SLC38A1: variants seen among roughly 807,000 people sequenced by gnomAD.
The protein encoded by SLC38A1 is solute carrier family 38 member 1.
A neutral mutation model predicts 60.3 loss-of-function variants in SLC38A1; 18 were observed. That is an observed-to-expected ratio of 0.30 (90% CI 0.21 to 0.44). The LOEUF (loss-of-function observed/expected upper bound fraction) is 0.44, where lower values mean the gene tolerates loss of function less well. Among genes scored for constraint, SLC38A1 ranks in the 20% least tolerant of loss-of-function variants. SLC38A1 has a pLI of 1.00. For synonymous variants in SLC38A1, 196 were observed against 212.1 expected, an observed-to-expected ratio of 0.92 and a Z score of 0.66; for missense variants, 448 against 587.2, an observed-to-expected ratio of 0.76 and a Z score of 2.45.
intron 3 of SLC38A1, among the ~76,000 whole-genome samples, chr12:46,233,021 T>C (rs752242463): frequency 7.2e-5 from 11 of 152,122 alleles, no homozygotes; most frequent in Non-Finnish European, 1.5e-4. Flanking sequence ...ATTTTATTAT[T>C]ATTATTATTA....
intron 3 of SLC38A1, among the ~76,000 whole-genome samples, chr12:46,231,764 C>T (rs777606962): frequency 2.6e-5 from 4 of 152,118 alleles, no homozygotes; most frequent in Non-Finnish European, 5.9e-5. Flanking sequence ...CTCAGCCTCC[C>T]AAGTAGCTGG....
chr12:46,200,386 CACACACATATATATACACATATATATAG>C (rs566299784), intron 13 of SLC38A1, among the ~76,000 whole-genome samples: 38 of 151,050 alleles, frequency 2.5e-4, no homozygotes, highest in Non-Finnish European at 4.7e-4. Context: ...TATATATATA[CACACACATATATATACACATATATATAG>C]ACACACATAT....
chr12:46,231,057 T>C (rs1941056745), intron 3 of SLC38A1, among the ~76,000 whole-genome samples: 2 of 152,280 alleles, frequency 1.3e-5, no homozygotes, highest in South Asian at 4.2e-4. Context: ...TAAGTGTCCA[T>C]CAACAGATGA....
At chr12:46,262,303 C>A (rs1942221773) in intron 1 of SLC38A1, among the ~76,000 whole-genome samples, 1 of 151,542 alleles carries the variant, frequency 6.6e-6, no homozygotes. Context: ...TTATTCAAGA[C>A]AGAAAAAATA....
rs141797195 is a variant in SLC38A1 at position 46,253,095 on chromosome 12, T to G, written c.-208-9781A>C. On this transcript the variant is annotated intron_variant, in intron 1 of 16. Transcript: ENST00000398637. Reference sequence around the variant, plus strand: ...ATGTGGAGATGTAGGTCAAAGGATATGAAGTTGCAGATGTGTAGGATGAAT... The same window carrying G: ...ATGTGGAGATGTAGGTCAAAGGATAGGAAGTTGCAGATGTGTAGGATGAAT... 1.0e-3 allele frequency among the ~76,000 whole-genome samples: 158 copies of G among 151,510 alleles called. 1 individual carries two copies. Among genetic ancestry groups the G allele is most frequent in the African/African-American group, 3.7e-3 (153 of 41,234 alleles).
At chr12:46,203,385 G>A (rs1939749929) in intron 11 of SLC38A1, among the ~76,000 whole-genome samples, 1 of 152,096 alleles carries the variant, frequency 6.6e-6, no homozygotes, top group African/African-American at 2.4e-5. Flanking sequence ...CAGTTACATG[G>A]CACTCTTCCT....
chr12:46,245,932 T>C (rs1279869640), intron 1 of SLC38A1, among the ~76,000 whole-genome samples: 2 of 152,204 alleles, frequency 1.3e-5, no homozygotes, highest in East Asian at 3.8e-4. Context: ...TGATTTTAGA[T>C]TGTTTTTAGC....
At chr12:46,189,804 C>T (rs574336173) in intron 16 of SLC38A1, among the ~76,000 whole-genome samples, 13 of 152,256 alleles carry the variant, frequency 8.5e-5, no homozygotes, top group African/African-American at 2.6e-4. Context: ...CCTGCACATG[C>T]GCTCTGCCTG....
At chr12:46,216,579 G>A (rs192755229) in intron 5 of SLC38A1, among the ~76,000 whole-genome samples, 310 of 152,266 alleles carry the variant, frequency 2.0e-3, no homozygotes, top group African/African-American at 6.3e-3. Context: ...GGCCAGGCGC[G>A]GTGGCTCACA....
At chr12:46,224,648 C>A (rs1047230041) in intron 5 of SLC38A1, among the ~76,000 whole-genome samples, 2 of 152,126 alleles carry the variant, frequency 1.3e-5, no homozygotes, top group African/African-American at 4.8e-5. Flanking sequence ...CTTGATCCTG[C>A]CAACTGCTTC....
chr12:46,228,593 T>A (rs1347747602), intron 5 of SLC38A1, among the ~76,000 whole-genome samples: 3 of 152,180 alleles, frequency 2.0e-5, no homozygotes, highest in African/African-American at 2.4e-5. Context: ...CTCCATACAT[T>A]TGCAGAAAGT....
At chr12:46,212,339 A>T (rs17096799) in intron 5 of SLC38A1, among the ~76,000 whole-genome samples, 11,310 of 152,262 alleles carry the variant, frequency 0.074, 678 homozygotes, top group East Asian at 0.29. Context: ...TTTCATCTGG[A>T]TATAATTTAA....
intron 1 of SLC38A1, among the ~76,000 whole-genome samples, chr12:46,255,222 CT>C (rs1379109641): frequency 2.0e-5 from 3 of 152,186 alleles, no homozygotes; most frequent in African/African-American, 7.2e-5. Context: ...ATAACAAAAT[CT>C]TTTAGGACAG....
At chr12:46,234,857 A>G (rs1035430454) in intron 3 of SLC38A1, among the ~76,000 whole-genome samples, 1 of 152,340 alleles carries the variant, frequency 6.6e-6, no homozygotes, top group South Asian at 2.1e-4. Flanking sequence ...TTGCTTGTTA[A>G]AAAACACGAC....
chr12:46,248,801 C>A (rs574029428), intron 1 of SLC38A1, among the ~76,000 whole-genome samples: 5 of 152,238 alleles, frequency 3.3e-5, no homozygotes, highest in South Asian at 2.1e-4. Context: ...TGTAAAAGAA[C>A]GGAAATCACA....
rs116314375 is a variant in SLC38A1 at position 46,228,922 on chromosome 12, C to T, written c.314+231G>A. Among the ~76,000 whole-genome samples the T allele has an allele frequency of 4.5e-3, 692 of 152,290 alleles. 8 individuals carry two copies. Among genetic ancestry groups the T allele is most frequent in the African/African-American group, 0.016 (663 of 41,554 alleles). On this transcript the variant is annotated intron_variant, in intron 5 of 16. Coordinates refer to ENST00000398637, the MANE Select transcript of SLC38A1 (RefSeq NM_030674.4). ...AATGTTTTAATCCTTTTCACAAATG[C>T]TTATTTCAGTATTTTTGATTAATAA...
intron 2 of SLC38A1, among the ~76,000 whole-genome samples, chr12:46,241,438 C>T (rs181045362): frequency 3.3e-3 from 497 of 152,278 alleles, no homozygotes; most frequent in Non-Finnish European, 5.0e-3. Context: ...AATAAAACTT[C>T]CCTGGTTTCA....
At chr12:46,210,788 A>G (rs1055196838) in intron 5 of SLC38A1, among the ~76,000 whole-genome samples, 1 of 152,146 alleles carries the variant, frequency 6.6e-6, no homozygotes, top group African/African-American at 2.4e-5. Flanking sequence ...TTCCGCCATA[A>G]TTGTGAGGCC....
chr12:46,222,495 T>C (rs866247990), intron 5 of SLC38A1, among the ~76,000 whole-genome samples: 7 of 152,224 alleles, frequency 4.6e-5, no homozygotes, highest in Non-Finnish European at 8.8e-5. Flanking sequence ...TTAATAATAC[T>C]ATGCTACGCA....
Sources: gnomAD v4.1 joint callset for allele counts (sites outside exome capture counted in the v4.1 genomes callset) on GRCh38, gnomAD v4.1.1 for gene constraint, MANE v1.5 for transcripts, NCBI Gene and HGNC (gene_info 2026-07-23, HGNC 2026-07-21) for gene names.